The following BRDT variants were observed in gnomAD, a reference collection of about 807,000 sequenced individuals.
BRDT encodes the protein bromodomain testis associated, also known as bromodomain testis-specific protein.
A neutral mutation model predicts 113.9 loss-of-function variants in BRDT; 77 were observed. The ratio of observed to expected loss-of-function variants is 0.68; its 90% CI spans 0.56 to 0.82. BRDT has a LOEUF of 0.82. Among genes scored for constraint, BRDT ranks in the 40% least tolerant of loss-of-function variants. The pLI is 0.00. For missense variants in BRDT, 1,027 were observed against 1,105.4 expected, an observed-to-expected ratio of 0.93 and a Z score of 1.01; for synonymous variants, 358 against 366.5, an observed-to-expected ratio of 0.98 and a Z score of 0.26.
chr1:91,999,296 C>T (rs928677426), intron 15 of BRDT, among the ~76,000 whole-genome samples: 10 of 151,990 alleles, frequency 6.6e-5, no homozygotes, highest in Admixed American at 6.5e-5. Flanking sequence ...TTGACAGACC[C>T]GGGACACAAG....
chr1:92,004,263 T>C, intron 16 of BRDT, 151 bp from the exon 17 acceptor site: 1 of 512,822 alleles, frequency 1.9e-6, no homozygotes, highest in Admixed American at 3.6e-5. Context: ...TTAGTAACCT[T>C]TGACTTTAGT....
intron 4 of BRDT, among the ~76,000 whole-genome samples, chr1:91,973,716 T>A (rs1204044220): frequency 2.6e-5 from 4 of 152,288 alleles, no homozygotes; most frequent in East Asian, 3.9e-4. Context: ...TAATCATGTC[T>A]TCTGCAAACA....
At chr1:91,952,716 G>A (rs776044791) in intron 1 of BRDT, among the ~76,000 whole-genome samples, 2 of 150,084 alleles carry the variant, frequency 1.3e-5, no homozygotes, top group South Asian at 2.1e-4. Flanking sequence ...TGAGGCAGGC[G>A]GAGGAGTGCT....
At chr1:91,992,412 CAAA>C (rs55996004) in intron 14 of BRDT, 98 bp downstream of exon 14, 20,678 of 178,196 alleles carry the variant, frequency 0.12, 411 homozygotes, top group Middle Eastern at 0.14. Flanking sequence ...TGAAGAGAGG[CAAA>C]AAAAAAAAAA....
At chr1:92,000,523 T>C (rs978378902) in intron 15 of BRDT, among the ~76,000 whole-genome samples, 1 of 152,236 alleles carries the variant, frequency 6.6e-6, no homozygotes, top group Non-Finnish European at 1.5e-5. Context: ...TGTTCCTTGC[T>C]CTCTTCTTCT....
intron 12 of BRDT, among the ~76,000 whole-genome samples, chr1:91,990,134 C>T (rs967125526): frequency 2.6e-5 from 4 of 152,114 alleles, no homozygotes; most frequent in Non-Finnish European, 5.9e-5. Context: ...AGGATAGCAT[C>T]AGAAACAATT....
At chr1:92,011,896 G>T (rs1211637241) in intron 18 of BRDT, among the ~76,000 whole-genome samples, 1 of 152,160 alleles carries the variant, frequency 6.6e-6, no homozygotes, top group African/African-American at 2.4e-5. Flanking sequence ...TTTACCTCAT[G>T]CCAGTTACCT....
At chr1:91,978,071 TA>T (rs771470898) in intron 6 of BRDT, 96 bp from the exon 7 acceptor site, 85 of 1,156,968 alleles carry the variant, frequency 7.3e-5, no homozygotes, top group Non-Finnish European at 9.6e-5. Context: ...GTTTTCTGTA[TA>T]TTTGAATTAT....
In BRDT at chr1:91,991,991, CAAAAAAAAAAA is replaced by C. The variant is rs764759925; in HGVS notation, c.2065-256_2065-246del. ...TGGGCGACAGAGCAAGACTCTGTCT[CAAAAAAAAAAA>C]AAAAAAAAAAAAAAAAGAAAAGAAA... is the stretch of plus-strand genomic sequence containing the variant. On this transcript the variant is annotated intron_variant, in intron 13 of 18. Coordinates refer to ENST00000399546, the MANE Select transcript of BRDT (RefSeq NM_207189.4). 5.6e-4 allele frequency among the ~76,000 whole-genome samples: 38 copies of C among 67,754 alleles called. No individual in the cohort carries two copies. The South Asian group carries it at 0.022, about 39-fold the overall frequency. 44.4% of individuals were successfully genotyped at this position (67,754 alleles called of 152,430 possible). A position where few individuals can be genotyped will look rare whatever the true frequency, so the allele number is the denominator to read the frequency against.
chr1:92,004,624 G>A lies in BRDT; in HGVS notation c.2594+5G>A, dbSNP rs1486806381. 1.9e-6 allele frequency: 3 copies of A among 1,591,012 alleles called. No individual in the cohort carries two copies. Among genetic ancestry groups the A allele is most frequent in the Non-Finnish European group, 1.7e-6 (2 of 1,172,548 alleles). On this transcript the variant is annotated splice_donor_5th_base_variant and intron_variant, in intron 17 of 18. Transcript: ENST00000399546. ...AGCATCTCAAGAAAATCAGAGGTCT[G>A]TAATTTACTGGATTAAAGGAGGGTT... is the stretch of plus-strand genomic sequence containing the variant.
At position 91,981,122 on chromosome 1, in the gene BRDT, G is replaced by A; in HGVS notation, c.1694G>A (p.Arg565Lys). Residue 565 changes from arginine to lysine, a missense_variant, in exon 10 of 19, where the codon AGA (arginine) becomes AAA (lysine). Coordinates refer to ENST00000399546, the MANE Select transcript of BRDT (RefSeq NM_207189.4). ...GAAACACTGAAAGCATCAACACTAA[G>A]AGAATTAGAAAAATATGTTTCGGCA... is the stretch of plus-strand genomic sequence containing the variant. Reference protein sequence around the residue: ...DFETLKASTLRELEKYVSACL... With the variant: ...DFETLKASTLKELEKYVSACL... The A allele has an allele frequency of 6.2e-7, 1 of 1,613,218 alleles. No homozygotes were observed. The highest frequency in any genetic ancestry group is 8.5e-7 in the Non-Finnish European group (1 of 1,179,838).
chr1:91,993,584 A>T (rs1181217444), intron 14 of BRDT, among the ~76,000 whole-genome samples: 1 of 152,324 alleles, frequency 6.6e-6, no homozygotes, highest in African/African-American at 2.4e-5. Context: ...TTACCTGAAT[A>T]TTGAATTAGA....
chr1:91,971,717 G>C (rs1390723022), intron 4 of BRDT, among the ~76,000 whole-genome samples: 1 of 152,196 alleles, frequency 6.6e-6, no homozygotes, highest in Non-Finnish European at 1.5e-5. Flanking sequence ...GACAGATTCA[G>C]TGGAGGCCTC....
intron 12 of BRDT, among the ~76,000 whole-genome samples, chr1:91,984,146 A>G (rs1380298904): frequency 6.6e-6 from 1 of 152,236 alleles, no homozygotes; most frequent in African/African-American, 2.4e-5. Flanking sequence ...TGCAAATGCA[A>G]AGACAAATGG....
chr1:91,976,411 C>G lies in BRDT; in HGVS notation c.591C>G (p.Val197=). Residue 197 remains valine (V), a synonymous_variant, in exon 5 of 19, where the codon GTC becomes GTG. Coordinates refer to ENST00000399546, the MANE Select transcript of BRDT (RefSeq NM_207189.4). ...SPLNVVQGAS[V]NSSSQTAAQV... ...TGAACGTGGTACAGGGAGCTTCAGT[C>G]AACTCCAGTTCACAAACTGCGGCCC... 1 of 1,593,812 alleles carries G rather than the reference C, an allele frequency of 6.3e-7. No homozygotes were observed. The highest frequency in any genetic ancestry group is 1.8e-5 in the Admixed American group (1 of 55,708).
intron 3 of BRDT, among the ~76,000 whole-genome samples, chr1:91,965,883 C>T (rs185149489): frequency 1.3e-4 from 19 of 151,928 alleles, no homozygotes; most frequent in African/African-American, 4.1e-4. Context: ...GGGATGAGTC[C>T]TTTGATTCTC....
At chr1:91,964,902 TG>T in intron 3 of BRDT, 138 bp downstream of exon 3, 11 of 459,594 alleles carry the variant, frequency 2.4e-5, no homozygotes, top group Non-Finnish European at 3.0e-5. Flanking sequence ...TGTGTGTGTG[TG>T]TATATAATTT....
At position 91,978,223 on chromosome 1, in the gene BRDT, G is replaced by C; in HGVS notation, c.1025G>C (p.Arg342Thr). 6.2e-7 allele frequency: 1 copy of C among 1,614,066 alleles called. No individual in the cohort carries two copies. The highest frequency in any genetic ancestry group is 8.5e-7 in the Non-Finnish European group (1 of 1,179,974). The change falls in exon 7 of 19, where the codon AGA becomes ACA. Residue 342 changes from arginine to threonine, a missense_variant. Arg to Thr is a moderately conservative substitution (Grantham distance 71). Coordinates refer to ENST00000399546, the MANE Select transcript of BRDT (RefSeq NM_207189.4). Reference protein sequence around the residue: ...KDAYKFAADVRLMFMNCYKYN... With the variant: ...KDAYKFAADVTLMFMNCYKYN... ...GCATACAAATTTGCGGCAGATGTTA[G>C]ATTAATGTTCATGAATTGCTACAAG...
intron 1 of BRDT, among the ~76,000 whole-genome samples, chr1:91,959,745 A>G (rs1682225680): frequency 6.6e-6 from 1 of 152,074 alleles, no homozygotes; most frequent in Non-Finnish European, 1.5e-5. Context: ...AGCCTACCAA[A>G]GTTCTGGGAT....
Sources: allele counts gnomAD v4.1 joint callset (sites outside exome capture counted in the v4.1 genomes callset), GRCh38; gene constraint gnomAD v4.1.1; transcripts MANE v1.5; gene names NCBI Gene and HGNC (gene_info 2026-07-23, HGNC 2026-07-21).